ZDHHC14: variants seen among roughly 807,000 people sequenced by gnomAD.
ZDHHC14 encodes palmitoyltransferase ZDHHC14.
ZDHHC14 carries 16 observed loss-of-function variants against 47.7 expected under a neutral mutation model. That is an observed-to-expected ratio of 0.34 (90% CI 0.23 to 0.51). The LOEUF is 0.51. Ranked by LOEUF, ZDHHC14 falls within the 20% of genes least tolerant of loss-of-function variation. The pLI, the probability that ZDHHC14 is intolerant of heterozygous loss-of-function variation, is 0.97. For synonymous variants in ZDHHC14, 293 were observed against 278.9 expected, an observed-to-expected ratio of 1.05 and a Z score of -0.50; for missense variants, 515 against 662.5, an observed-to-expected ratio of 0.78 and a Z score of 2.44.
chr6:157,612,097 A>G (rs549392540), intron 3 of ZDHHC14, among the ~76,000 whole-genome samples: 28 of 152,316 alleles, frequency 1.8e-4, no homozygotes, highest in African/African-American at 6.3e-4. Flanking sequence ...TGAGGGTCCT[A>G]CCGACTCCTT....
intron 3 of ZDHHC14, among the ~76,000 whole-genome samples, chr6:157,625,454 G>A (rs575576750): frequency 6.6e-6 from 1 of 152,284 alleles, no homozygotes; most frequent in Non-Finnish European, 1.5e-5. Context: ...AGTCATCAGT[G>A]TAGAGTGGCA....
chr6:157,598,443 G>A (rs1244936392), intron 3 of ZDHHC14, among the ~76,000 whole-genome samples: 3 of 152,114 alleles, frequency 2.0e-5, no homozygotes, highest in Non-Finnish European at 4.4e-5. Flanking sequence ...TATGTGTTAA[G>A]TGCTGTGACA....
chr6:157,535,830 T>TC (rs1285430661), intron 1 of ZDHHC14, among the ~76,000 whole-genome samples: 3 of 152,236 alleles, frequency 2.0e-5, no homozygotes, highest in Non-Finnish European at 4.4e-5. Flanking sequence ...TCTATTTGTC[T>TC]CCAAGTAATG....
chr6:157,417,849 G>A (rs1259952252), intron 1 of ZDHHC14, among the ~76,000 whole-genome samples: 2 of 152,054 alleles, frequency 1.3e-5, no homozygotes, highest in East Asian at 3.9e-4. Flanking sequence ...AGGTATTCAG[G>A]AGGCTGAGGC....
intron 1 of ZDHHC14, among the ~76,000 whole-genome samples, chr6:157,387,868 C>G (rs1268073935): frequency 1.3e-5 from 2 of 152,102 alleles, no homozygotes; most frequent in Non-Finnish European, 2.9e-5. Flanking sequence ...AAATACCTTT[C>G]TTGTGCTTTA....
chr6:157,587,926 C>T (rs751171867), intron 2 of ZDHHC14, among the ~76,000 whole-genome samples: 2 of 152,108 alleles, frequency 1.3e-5, no homozygotes, highest in Non-Finnish European at 2.9e-5. Flanking sequence ...TTGAGACCAG[C>T]CTGAGCAACA....
intron 2 of ZDHHC14, among the ~76,000 whole-genome samples, chr6:157,549,830 G>A (rs1264198183): frequency 6.6e-6 from 1 of 152,248 alleles, no homozygotes; most frequent in Non-Finnish European, 1.5e-5. Context: ...AAGGAAGCCA[G>A]TGTTATTTAT....
intron 1 of ZDHHC14, among the ~76,000 whole-genome samples, chr6:157,385,373 G>A (rs369858143): frequency 7.2e-5 from 11 of 152,302 alleles, no homozygotes; most frequent in Middle Eastern, 6.8e-3. Flanking sequence ...ATGAGCCACC[G>A]CACCTGGCTA....
chr6:157,548,427 G>A (rs369832550), intron 2 of ZDHHC14, among the ~76,000 whole-genome samples: 2 of 145,728 alleles, frequency 1.4e-5, no homozygotes, highest in Non-Finnish European at 3.0e-5. Flanking sequence ...TGTTTTTGTT[G>A]TTGTTGTTGT....
intron 3 of ZDHHC14, among the ~76,000 whole-genome samples, chr6:157,626,304 A>G (rs540157871): frequency 2.4e-4 from 36 of 151,932 alleles, no homozygotes; most frequent in South Asian, 8.3e-4. Flanking sequence ...CCCAGCTTTC[A>G]CTCTCATGCC....
intron 2 of ZDHHC14, among the ~76,000 whole-genome samples, chr6:157,548,436 G>GTTGTTGT (rs777254077): frequency 7.3e-5 from 11 of 150,982 alleles, no homozygotes; most frequent in Non-Finnish European, 1.5e-4. Flanking sequence ...TGTTGTTGTT[G>GTTGTTGT]TTGTTTGTTT....
intron 8 of ZDHHC14, among the ~76,000 whole-genome samples, chr6:157,654,740 CTT>C (rs11376227): frequency 2.7e-5 from 4 of 145,858 alleles, no homozygotes; most frequent in Non-Finnish European, 3.0e-5. Flanking sequence ...TTTTCTCTCT[CTT>C]TTTTTTTTTT....
chr6:157,628,782 C>T (rs1037771937), intron 4 of ZDHHC14, among the ~76,000 whole-genome samples: 6 of 152,170 alleles, frequency 3.9e-5, no homozygotes, highest in Non-Finnish European at 8.8e-5. Context: ...ACGCACATCC[C>T]TATTCCAACC....
chr6:157,426,157 T>C (rs1778213676), intron 1 of ZDHHC14, among the ~76,000 whole-genome samples: 1 of 152,052 alleles, frequency 6.6e-6, no homozygotes, highest in Non-Finnish European at 1.5e-5. Flanking sequence ...TGTGAGAGCC[T>C]CCCGCAAGGT....
At chr6:157,517,631 T>C (rs1444366891) in intron 1 of ZDHHC14, among the ~76,000 whole-genome samples, 2 of 152,134 alleles carry the variant, frequency 1.3e-5, no homozygotes, top group Admixed American at 6.5e-5. Flanking sequence ...TCTTAAGCCG[T>C]ACTGTGTATC....
intron 1 of ZDHHC14, among the ~76,000 whole-genome samples, chr6:157,455,880 C>T (rs1435346063): frequency 2.6e-5 from 4 of 152,110 alleles, no homozygotes; most frequent in Admixed American, 6.5e-5. Flanking sequence ...TGTGTCTGAG[C>T]GGCGCTCTGC....
rs190395608 is a variant in ZDHHC14 at position 157,433,949 on chromosome 6, A to T, written c.245+51683A>T. 6.6e-4 allele frequency among the ~76,000 whole-genome samples: 100 copies of T among 152,262 alleles called. 1 individual carries two copies. Among genetic ancestry groups the T allele is most frequent in the African/African-American group, 2.4e-3 (98 of 41,560 alleles). On this transcript the variant is annotated intron_variant, in intron 1 of 8. Transcript: ENST00000359775. ...CAAGAGAGCCACCCTCCACACACAT[A>T]CTTTTTTCCTGGTAATTGTACCAGT...
Position 157,673,123 on chromosome 6 carries a change from C to A in ZDHHC14, c.*1C>A. 6.4e-7 allele frequency: 1 copy of A among 1,567,490 alleles called. No individual in the cohort carries two copies. The highest frequency in any genetic ancestry group is 1.2e-5 in the South Asian group (1 of 86,370). ...CCTGGTGAAGCTCAGCTCCGTGTGA[C>A]CCACATGGCCCCAGGCCGGGGGACA... On this transcript the variant is annotated 3_prime_UTR_variant, in exon 9 of 9. Coordinates refer to ENST00000359775, the MANE Select transcript of ZDHHC14 (RefSeq NM_024630.3). The surrounding 1 kb of genome is among the most constrained non-coding windows in gnomAD (Gnocchi z 5.4).
intron 1 of ZDHHC14, among the ~76,000 whole-genome samples, chr6:157,503,506 G>C (rs1320790582): frequency 1.3e-5 from 2 of 152,262 alleles, no homozygotes; most frequent in South Asian, 2.1e-4. Flanking sequence ...GCTGTTTAAT[G>C]GGGGTGGAGT....
Sources: allele counts gnomAD v4.1 joint callset (sites outside exome capture counted in the v4.1 genomes callset), GRCh38; gene constraint gnomAD v4.1.1; non-coding constraint Gnocchi (gnomAD v3.1); transcripts MANE v1.5; gene names NCBI Gene and HGNC (gene_info 2026-07-23, HGNC 2026-07-21).